The following ZBTB16 variants were observed in gnomAD, a reference collection of about 807,000 sequenced individuals.
The protein encoded by ZBTB16 is zinc finger and BTB domain containing 16, also known as zinc finger and BTB domain-containing protein 16.
In ZBTB16, 8 loss-of-function variants were observed where a neutral mutation model predicts 56.8. The ratio of observed to expected loss-of-function variants is 0.14; its 90% CI spans 0.08 to 0.25. The LOEUF (loss-of-function observed/expected upper bound fraction) is 0.25. Ranked by LOEUF, ZBTB16 falls within the 10% of genes least tolerant of loss-of-function variation. The pLI is 1.00. For missense variants in ZBTB16, 625 were observed against 903.0 expected (o/e 0.69, Z 3.95); for synonymous variants, 363 against 368.5 (o/e 0.98, Z 0.17).
At chr11:114,223,501 C>T (rs1014880241) in intron 4 of ZBTB16, among the ~76,000 whole-genome samples, 8 of 152,132 alleles carry the variant, frequency 5.3e-5, no homozygotes, top group Admixed American at 5.2e-4. Flanking sequence ...TTGCCTGGAG[C>T]TCTGGCTCAA....
intron 2 of ZBTB16, among the ~76,000 whole-genome samples, chr11:114,077,947 A>C (rs1038342808): frequency 6.6e-6 from 1 of 152,190 alleles, no homozygotes; most frequent in African/African-American, 2.4e-5. Flanking sequence ...ACAACCTATG[A>C]GGAGTAGATT....
chr11:114,189,666 T>G (rs929877835), intron 4 of ZBTB16: 1 of 151,262 alleles, frequency 6.6e-6, no homozygotes, highest in Middle Eastern at 3.1e-3. Context: ...CTTGGGAGGC[T>G]GAGGCAGGAG....
intron 4 of ZBTB16, among the ~76,000 whole-genome samples, chr11:114,207,590 A>AACACACACACACACACACACACAC (rs66489516): frequency 1.4e-5 from 2 of 143,626 alleles, no homozygotes; most frequent in Non-Finnish European, 3.1e-5. Context: ...ACACACACAC[A>AACACACACACACACACACACACAC]ACACACACAC....
chr11:114,134,229 T>A (rs1941741447), intron 2 of ZBTB16, among the ~76,000 whole-genome samples: 1 of 152,158 alleles, frequency 6.6e-6, no homozygotes, highest in Non-Finnish European at 1.5e-5. Context: ...GGCGCCAAAG[T>A]AGGTAAAGGG....
chr11:114,226,174 G>A (rs967688594), intron 4 of ZBTB16, among the ~76,000 whole-genome samples: 1 of 152,152 alleles, frequency 6.6e-6, no homozygotes, highest in Non-Finnish European at 1.5e-5. Flanking sequence ...AGGTGCATGA[G>A]TGAGTCAGTA....
chr11:114,065,446 C>T (rs892462729), intron 2 of ZBTB16, among the ~76,000 whole-genome samples: 5 of 151,812 alleles, frequency 3.3e-5, no homozygotes, highest in African/African-American at 1.2e-4. Flanking sequence ...TGTGAAGTTT[C>T]GCTCTCCTTG....
intron 4 of ZBTB16, among the ~76,000 whole-genome samples, chr11:114,241,877 T>C (rs1944710958): frequency 6.6e-6 from 1 of 152,192 alleles, no homozygotes. Flanking sequence ...TTGCCGCCTT[T>C]TACATACCAC....
chr11:114,212,241 A>G (rs1033090195), intron 4 of ZBTB16, among the ~76,000 whole-genome samples: 7 of 152,164 alleles, frequency 4.6e-5, no homozygotes, highest in African/African-American at 1.4e-4. Flanking sequence ...AGTCGCAGGA[A>G]AATTCATCTT....
rs1939027722 is a variant in ZBTB16, at chr11:114,064,350, T to C, written c.1050T>C (p.Ser350=). The change falls in exon 2 of 7, where the codon TCT becomes TCC. Residue 350 remains serine, a synonymous_variant. Transcript: ENST00000335953. This position sits in a 1 kb window ranked among gnomAD's most constrained non-coding sequence, Gnocchi z 4.2. ...CTGACGCTGTATTGAGCATGCCGTCTTCCGTGACCTCTGGCCTCCACGTGC... is the reference window on the plus strand; with the variant it reads ...CTGACGCTGTATTGAGCATGCCGTCCTCCGTGACCTCTGGCCTCCACGTGC... ...HKADAVLSMP[S]SVTSGLHVQP... is the part of the protein sequence containing the mutation. 1 of 1,614,076 alleles carries C rather than the reference T, an allele frequency of 6.2e-7. No individual in the cohort carries two copies. Among genetic ancestry groups the C allele is most frequent in the Non-Finnish European group, 8.5e-7 (1 of 1,180,028 alleles).
chr11:114,067,748 A>C (rs765776323), intron 2 of ZBTB16, among the ~76,000 whole-genome samples: 1 of 152,130 alleles, frequency 6.6e-6, no homozygotes. Context: ...CAGCAGCTGC[A>C]GCCCAAGAAG....
At position 114,233,078 on chromosome 11, in the gene ZBTB16, C is replaced by CGT. The variant is rs1298562046; in HGVS notation, c.1454-9088_1454-9087insTG. Among the ~76,000 whole-genome samples the CGT allele has an allele frequency of 5.6e-4, 19 of 33,856 alleles. 1 individual carries two copies. The East Asian group carries it at 0.024, about 42-fold the overall frequency. The allele number at this position is 33,856 out of a possible 152,430, so 22.2% of individuals were successfully genotyped here. A position where few individuals can be genotyped will look rare whatever the true frequency, so the allele number is the denominator to read the frequency against. On this transcript the variant is annotated intron_variant, in intron 4 of 6. Transcript: ENST00000335953. ...CTGCACATACGCATGCGCGCGCGCG[C>CGT]GCGCACACACACACACACACACACA...
chr11:114,076,101 A>C (rs1939554642), intron 2 of ZBTB16, among the ~76,000 whole-genome samples: 1 of 152,084 alleles, frequency 6.6e-6, no homozygotes, highest in Non-Finnish European at 1.5e-5. Context: ...AGTGAACTGC[A>C]CTTTCGGGGA....
chr11:114,128,751 G>A (rs1941582870), intron 2 of ZBTB16, among the ~76,000 whole-genome samples: 2 of 152,142 alleles, frequency 1.3e-5, no homozygotes, highest in Non-Finnish European at 2.9e-5. Context: ...AGGCCTGGGT[G>A]GTTTAGAAGG....
chr11:114,091,939 C>T (rs936217466), intron 2 of ZBTB16, among the ~76,000 whole-genome samples: 3 of 152,202 alleles, frequency 2.0e-5, no homozygotes, highest in Admixed American at 6.5e-5. Context: ...CAGGCCTGTG[C>T]GCCCCTTCTC....
chr11:114,086,918 C>T (rs976425161), intron 2 of ZBTB16, among the ~76,000 whole-genome samples: 16 of 152,150 alleles, frequency 1.1e-4, no homozygotes, highest in African/African-American at 3.4e-4. Context: ...CTAATACTTT[C>T]CCAGACTCCA....
At chr11:114,166,136 G>A (rs1439298317) in intron 3 of ZBTB16, among the ~76,000 whole-genome samples, 1 of 151,660 alleles carries the variant, frequency 6.6e-6, no homozygotes, top group Non-Finnish European at 1.5e-5. Flanking sequence ...TAGGTCTGTG[G>A]CTGTGGCTCT....
intron 2 of ZBTB16, among the ~76,000 whole-genome samples, chr11:114,124,557 C>CAAAAAAAAA (rs1381254014): frequency 2.4e-5 from 1 of 41,060 alleles, no homozygotes; most frequent in Non-Finnish European, 4.9e-5. Flanking sequence ...AAAAAAAAAC[C>CAAAAAAAAA]AAAAAAAAAA....
intron 4 of ZBTB16, among the ~76,000 whole-genome samples, chr11:114,228,559 C>CAG (rs1944375675): frequency 6.6e-6 from 1 of 152,192 alleles, no homozygotes; most frequent in African/African-American, 2.4e-5. Context: ...GTTAAGAAGC[C>CAG]GTGCCTAGAC....
At chr11:114,124,554 AAC>A (rs1491181081) in intron 2 of ZBTB16, among the ~76,000 whole-genome samples, 14 of 137,564 alleles carry the variant, frequency 1.0e-4, no homozygotes, top group East Asian at 8.3e-4. Flanking sequence ...CAAAAAAAAA[AAC>A]CAAAAAAAAA....
Sources: gnomAD v4.1 joint callset for allele counts (sites outside exome capture counted in the v4.1 genomes callset) on GRCh38, gnomAD v4.1.1 for gene constraint, Gnocchi (gnomAD v3.1) non-coding constraint, MANE v1.5 for transcripts, NCBI Gene and HGNC (gene_info 2026-07-23, HGNC 2026-07-21) for gene names.